The following KCNQ1 variants were observed in gnomAD, a reference collection of about 807,000 sequenced individuals.
KCNQ1 encodes potassium voltage-gated channel subfamily Q member 1, also known as potassium voltage-gated channel subfamily KQT member 1.
A neutral mutation model predicts 72.4 loss-of-function variants in KCNQ1; 49 were observed. The ratio of observed to expected loss-of-function variants is 0.68; its 90% CI spans 0.54 to 0.86. KCNQ1 has a LOEUF of 0.86. Ranked by LOEUF, KCNQ1 falls within the 40% of genes least tolerant of loss-of-function variation. The probability of loss-of-function intolerance (pLI) is 0.00; values close to 1 mark genes in which losing one functional copy is unlikely to be tolerated. For missense variants in KCNQ1, 790 were observed against 945.1 expected (o/e 0.84, Z 2.15); for synonymous variants, 450 against 412.6 (o/e 1.09, Z -1.10).
At chr11:2,650,650 C>G (rs1032965219) in intron 10 of KCNQ1, 2 of 398,504 alleles carry the variant, frequency 5.0e-6, no homozygotes, top group Non-Finnish European at 8.8e-6. Context: ...TACCTTCAAA[C>G]TTTTTGACAA....
intron 15 of KCNQ1, among the ~76,000 whole-genome samples, chr11:2,786,714 T>C (rs1007382444): frequency 1.3e-5 from 2 of 151,632 alleles, no homozygotes; most frequent in African/African-American, 4.8e-5. Flanking sequence ...TCAATTATTA[T>C]TATTTTATTT....
chr11:2,617,711 C>T lies in KCNQ1; in HGVS notation c.1393+28857C>T. ...ACAAGAGTTCCCTAACCCTAGCCAA[C>T]ACTTAATAGCTATTCTCATGAGTGT... On this transcript the variant is annotated intron_variant, in intron 10 of 15. Coordinates refer to ENST00000155840, the MANE Select transcript of KCNQ1 (RefSeq NM_000218.3). This position sits in a 1 kb window ranked among gnomAD's most constrained non-coding sequence, Gnocchi z 4.6. 2.5e-6 allele frequency: 1 copy of T among 398,454 alleles called. No homozygotes were observed. Among genetic ancestry groups the T allele is most frequent in the Non-Finnish European group, 4.4e-6 (1 of 225,954 alleles). The allele number at this position is 398,454 out of a possible 1,614,324, so 24.7% of individuals were successfully genotyped here. A position where few individuals can be genotyped will look rare whatever the true frequency, so the allele number is the denominator to read the frequency against.
intron 14 of KCNQ1, chr11:2,777,631 G>A (rs569991995): frequency 5.7e-4 from 332 of 585,440 alleles, no homozygotes; most frequent in Non-Finnish European, 8.7e-4. Flanking sequence ...GAATGGCTGT[G>A]CCCCCAGCCT....
At chr11:2,518,088 C>T (rs1184582267) in intron 1 of KCNQ1, among the ~76,000 whole-genome samples, 1 of 152,274 alleles carries the variant, frequency 6.6e-6, no homozygotes, top group African/African-American at 2.4e-5. Context: ...CACCATCAGT[C>T]ATTCAGCAAA....
At position 2,725,640 on chromosome 11, in the gene KCNQ1, C is replaced by T. The variant is rs1282705073; in HGVS notation, c.1515-43204C>T. Among the ~76,000 whole-genome samples the T allele has an allele frequency of 3.3e-5, 5 of 152,322 alleles. No homozygotes were observed. Among genetic ancestry groups the T allele is most frequent in the African/African-American group, 1.2e-4 (5 of 41,584 alleles). ...AACGTACCCTTTCCATGAGGCTGGG[C>T]GCCCTGCCCTGCCTTCAGTGCCAAA... On this transcript the variant is annotated intron_variant, in intron 11 of 15. Transcript: ENST00000155840. This position sits in a 1 kb window ranked among gnomAD's most constrained non-coding sequence, Gnocchi z 7.2.
intron 1 of KCNQ1, among the ~76,000 whole-genome samples, chr11:2,524,325 A>G (rs1847456787): frequency 6.6e-6 from 1 of 152,148 alleles, no homozygotes; most frequent in African/African-American, 2.4e-5. Flanking sequence ...GACCCCAGCC[A>G]TGCCGGGTCA....
chr11:2,592,064 G>T lies in KCNQ1; in HGVS notation c.1393+3210G>T, dbSNP rs1369133424. Reference sequence around the variant, plus strand: ...AAAGTCAAACCCAGGCCTCGACCTTGTCTGGCTGTGCTTTCTGTTGTGTGA... The same window carrying T: ...AAAGTCAAACCCAGGCCTCGACCTTTTCTGGCTGTGCTTTCTGTTGTGTGA... On this transcript the variant is annotated intron_variant, in intron 10 of 15. Coordinates refer to ENST00000155840, the MANE Select transcript of KCNQ1 (RefSeq NM_000218.3). The surrounding 1 kb of genome is among the most constrained non-coding windows in gnomAD (Gnocchi z 5.2). 6.6e-6 allele frequency among the ~76,000 whole-genome samples: 1 copy of T among 152,272 alleles called. No individual in the cohort carries two copies. The highest frequency in any genetic ancestry group is 2.4e-5 in the African/African-American group (1 of 41,474).
intron 1 of KCNQ1, among the ~76,000 whole-genome samples, chr11:2,514,432 A>G (rs532241939): frequency 1.3e-5 from 2 of 152,322 alleles, no homozygotes; most frequent in African/African-American, 4.8e-5. Flanking sequence ...CCAAGGCTCA[A>G]GGAGGCCACA....
intron 1 of KCNQ1, among the ~76,000 whole-genome samples, chr11:2,501,868 C>T (rs1364870882): frequency 6.6e-6 from 1 of 152,118 alleles, no homozygotes; most frequent in Non-Finnish European, 1.5e-5. Context: ...GGGAGTTATC[C>T]CAGGAATGCA....
intron 11 of KCNQ1, among the ~76,000 whole-genome samples, chr11:2,719,086 T>G (rs1324025153): frequency 2.0e-5 from 3 of 152,210 alleles, no homozygotes; most frequent in Non-Finnish European, 4.4e-5. Context: ...CTGTGGCAAG[T>G]GGAGCCCCAA....
chr11:2,554,955 C>T (rs951251067), intron 2 of KCNQ1, among the ~76,000 whole-genome samples: 3 of 152,204 alleles, frequency 2.0e-5, no homozygotes, highest in Non-Finnish European at 4.4e-5. Context: ...GTGAGGTACT[C>T]AGCAGTCAGA....
intron 10 of KCNQ1, chr11:2,614,453 T>C: frequency 5.0e-6 from 2 of 398,532 alleles, no homozygotes; most frequent in Admixed American, 8.8e-5. Context: ...TAAGAATTTA[T>C]TTCCAATCTC....
intron 15 of KCNQ1, among the ~76,000 whole-genome samples, chr11:2,842,111 G>T (rs1442388232): frequency 6.6e-6 from 1 of 152,196 alleles, no homozygotes; most frequent in Non-Finnish European, 1.5e-5. Context: ...ACAGAGACAA[G>T]GTTGAGGATT....
chr11:2,484,675 G>A lies in KCNQ1; in HGVS notation c.386+39191G>A, dbSNP rs980635802. Among the ~76,000 whole-genome samples the A allele has an allele frequency of 1.3e-5, 2 of 152,160 alleles. No homozygotes were observed. The highest frequency in any genetic ancestry group is 4.8e-5 in the African/African-American group (2 of 41,426). ...GAGCCAGGGTTCCTTCCATTGGAGA[G>A]TGGTCTTTAGAAACCCAGGCCTGGG... On this transcript the variant is annotated intron_variant, in intron 1 of 15. Coordinates refer to ENST00000155840, the MANE Select transcript of KCNQ1 (RefSeq NM_000218.3). The surrounding 1 kb of genome is among the most constrained non-coding windows in gnomAD (Gnocchi z 5.2).
At position 2,498,967 on chromosome 11, in the gene KCNQ1, TGGG is replaced by T. The variant is rs2133639816; in HGVS notation, c.387-28958_387-28956del. Among the ~76,000 whole-genome samples the T allele has an allele frequency of 6.6e-6, 1 of 152,292 alleles. No homozygotes were observed. Among genetic ancestry groups the T allele is most frequent in the East Asian group, 1.9e-4 (1 of 5,176 alleles). On this transcript the variant is annotated intron_variant, in intron 1 of 15. Transcript: ENST00000155840. The surrounding 1 kb of genome is among the most constrained non-coding windows in gnomAD (Gnocchi z 4.8). ...ACTGCATGTTTGCAGTTCCCTCGGC[TGGG>T]GGAGGGAGGTCTCCCGGCTCCTTGC...
At position 2,745,098 on chromosome 11, in the gene KCNQ1, C is replaced by T. The variant is rs949645363; in HGVS notation, c.1515-23746C>T. Reference sequence around the variant, plus strand: ...CTCCTAAACCCCTATTTATAATAATCTCTTTTTAAGTTTGACTTATCTGTT... The same window carrying T: ...CTCCTAAACCCCTATTTATAATAATTTCTTTTTAAGTTTGACTTATCTGTT... On this transcript the variant is annotated intron_variant, in intron 11 of 15. Coordinates refer to ENST00000155840, the MANE Select transcript of KCNQ1 (RefSeq NM_000218.3). The surrounding 1 kb of genome is among the most constrained non-coding windows in gnomAD (Gnocchi z 6.2). Among the ~76,000 whole-genome samples, 1 of 152,208 alleles carries T rather than the reference C, an allele frequency of 6.6e-6. No homozygotes were observed. The highest frequency in any genetic ancestry group is 1.9e-4 in the East Asian group (1 of 5,200).
At chr11:2,650,923 CTT>C (rs1392544681) in intron 10 of KCNQ1, 1 of 398,492 alleles carries the variant, frequency 2.5e-6, no homozygotes, top group Non-Finnish European at 4.4e-6. Context: ...GGCTGAAAGT[CTT>C]TTTTAAATTA....
intron 15 of KCNQ1, among the ~76,000 whole-genome samples, chr11:2,834,927 G>A (rs1848029666): frequency 1.3e-5 from 2 of 152,212 alleles, no homozygotes; most frequent in African/African-American, 4.8e-5. Context: ...CAGATTCCAA[G>A]CCTGGCCGCC....
chr11:2,736,349 TG>T (rs1221128760), intron 11 of KCNQ1, among the ~76,000 whole-genome samples: 1 of 152,216 alleles, frequency 6.6e-6, no homozygotes, highest in Non-Finnish European at 1.5e-5. Flanking sequence ...TGTGAATAGT[TG>T]GAGCCCTGGA....
Sources: allele counts gnomAD v4.1 joint callset (sites outside exome capture counted in the v4.1 genomes callset), GRCh38; gene constraint gnomAD v4.1.1; non-coding constraint Gnocchi (gnomAD v3.1); transcripts MANE v1.5; gene names NCBI Gene and HGNC (gene_info 2026-07-23, HGNC 2026-07-21).